WIPF2: variants seen among roughly 807,000 people sequenced by gnomAD.
WIPF2 encodes the protein WAS/WASL-interacting protein family member 2.
A neutral mutation model predicts 38.8 loss-of-function variants in WIPF2; 23 were observed. The ratio of observed to expected loss-of-function variants is 0.59; its 90% CI spans 0.43 to 0.84. The LOEUF (loss-of-function observed/expected upper bound fraction) is 0.84, where lower values mean the gene tolerates loss of function less well. Ranked by LOEUF, WIPF2 falls within the 40% of genes least tolerant of loss-of-function variation. WIPF2 has a pLI of 0.00. For missense variants in WIPF2, 574 were observed against 580.5 expected, an observed-to-expected ratio of 0.99 and a Z score of 0.11; for synonymous variants, 210 against 223.2, an observed-to-expected ratio of 0.94 and a Z score of 0.53.
At chr17:40,230,267 G>A (rs1183355534) in intron 1 of WIPF2, among the ~76,000 whole-genome samples, 1 of 152,154 alleles carries the variant, frequency 6.6e-6, no homozygotes, top group African/African-American at 2.4e-5. Flanking sequence ...TGAGCCCCAG[G>A]AGAGGGAGGT....
At chr17:40,259,848 G>A (rs1189907454) in intron 2 of WIPF2, among the ~76,000 whole-genome samples, 1 of 152,170 alleles carries the variant, frequency 6.6e-6, no homozygotes, top group Non-Finnish European at 1.5e-5. Context: ...GGCAAATATT[G>A]TGCTTACCAC....
chr17:40,228,868 G>A (rs899901953), intron 1 of WIPF2, among the ~76,000 whole-genome samples: 5 of 151,528 alleles, frequency 3.3e-5, no homozygotes, highest in East Asian at 1.9e-4. Flanking sequence ...CTCCTATCTC[G>A]AAGTGCCATA....
intron 1 of WIPF2, among the ~76,000 whole-genome samples, chr17:40,226,932 G>C (rs1179480970): frequency 1.3e-5 from 2 of 151,804 alleles, no homozygotes; most frequent in African/African-American, 4.8e-5. Flanking sequence ...TAGTAGAGGT[G>C]GGGTTTCACC....
At chr17:40,229,007 G>T (rs1429602231) in intron 1 of WIPF2, among the ~76,000 whole-genome samples, 1 of 151,734 alleles carries the variant, frequency 6.6e-6, no homozygotes, top group African/African-American at 2.4e-5. Flanking sequence ...GGGCTCAAGT[G>T]ATTCTCTTGC....
chr17:40,231,616 G>C lies in WIPF2; in HGVS notation c.-70+12124G>C, dbSNP rs193196055. ...TTTTTTGTATTTTTAGTAGAGACAGGGTTTCACCATCTTGGCCAGGCTGGT... is the reference window on the plus strand; with the variant it reads ...TTTTTTGTATTTTTAGTAGAGACAGCGTTTCACCATCTTGGCCAGGCTGGT... On this transcript the variant is annotated intron_variant, in intron 1 of 7. Transcript: ENST00000323571. Among the ~76,000 whole-genome samples the C allele has an allele frequency of 6.1e-3, 933 of 151,960 alleles. 12 individuals carry two copies. The highest frequency in any genetic ancestry group is 0.021 in the African/African-American group (883 of 41,476).
At chr17:40,220,573 G>GTATATATATA (rs762889347) in intron 1 of WIPF2, 8 of 77,108 alleles carry the variant, frequency 1.0e-4, no homozygotes, top group Non-Finnish European at 1.5e-4. Context: ...GTGTGTGTGT[G>GTATATATATA]TATATATATA....
Position 40,279,343 on chromosome 17 carries a change from G to C in WIPF2, c.*1118G>C, listed in dbSNP as rs1183890558. Reference sequence around the variant, plus strand: ...CTGTACTGAAGTTCACAGCCCACCTGACTGAGCAGACTCTTCCTGTTCCTT... The same window carrying C: ...CTGTACTGAAGTTCACAGCCCACCTCACTGAGCAGACTCTTCCTGTTCCTT... On this transcript the variant is annotated 3_prime_UTR_variant, in exon 8 of 8. Coordinates refer to ENST00000323571, the MANE Select transcript of WIPF2 (RefSeq NM_133264.5). The C allele has an allele frequency of 1.3e-5, 2 of 152,800 alleles. No homozygotes were observed. The highest frequency in any genetic ancestry group is 2.9e-5 in the Non-Finnish European group (2 of 68,184). 9.5% of individuals were successfully genotyped at this position (152,800 alleles called of 1,614,324 possible).
chr17:40,228,010 GTTTTTTT>G (rs1175714533), intron 1 of WIPF2, among the ~76,000 whole-genome samples: 2 of 79,216 alleles, frequency 2.5e-5, no homozygotes, highest in African/African-American at 1.1e-4. Flanking sequence ...ACCTCTTTTT[GTTTTTTT>G]TTTTTTTTTT....
chr17:40,238,275 T>C (rs998504387), intron 1 of WIPF2, among the ~76,000 whole-genome samples: 4 of 152,278 alleles, frequency 2.6e-5, no homozygotes, highest in African/African-American at 9.6e-5. Context: ...TGTTTGATAA[T>C]TCTTAGCTGC....
At chr17:40,267,043 G>T (rs2032110444) in intron 5 of WIPF2, among the ~76,000 whole-genome samples, 1 of 152,064 alleles carries the variant, frequency 6.6e-6, no homozygotes, top group Non-Finnish European at 1.5e-5. Flanking sequence ...GAGAGTTGAG[G>T]AGAGAGAAGA....
At chr17:40,258,695 A>G (rs1303365519) in intron 2 of WIPF2, among the ~76,000 whole-genome samples, 1 of 152,064 alleles carries the variant, frequency 6.6e-6, no homozygotes, top group Non-Finnish European at 1.5e-5. Context: ...GTCTTAAGCC[A>G]TGAGTAGAGT....
chr17:40,221,367 A>G (rs940598859), intron 1 of WIPF2, among the ~76,000 whole-genome samples: 17 of 152,064 alleles, frequency 1.1e-4, no homozygotes, highest in East Asian at 1.9e-4. Flanking sequence ...CCCTGCCTCT[A>G]AAAGTTTGTC....
chr17:40,278,346 C>G lies in WIPF2; in HGVS notation c.*121C>G. The stretch of plus-strand genomic sequence containing the variant: ...AACATGTTTCTCCAATGCAATCAAG[C>G]CCTAGACTCCAAATGTCCTCCCAGC... On this transcript the variant is annotated 3_prime_UTR_variant, in exon 8 of 8. Coordinates refer to ENST00000323571, the MANE Select transcript of WIPF2 (RefSeq NM_133264.5). The G allele has an allele frequency of 5.1e-6, 6 of 1,172,512 alleles. 1 individual carries two copies. Among genetic ancestry groups the G allele is most frequent in the Non-Finnish European group, 6.1e-6 (5 of 816,268 alleles). 72.6% of individuals were successfully genotyped at this position (1,172,512 alleles called of 1,614,324 possible).
At chr17:40,221,177 G>A (rs1023321717) in intron 1 of WIPF2, among the ~76,000 whole-genome samples, 1 of 151,984 alleles carries the variant, frequency 6.6e-6, no homozygotes, top group African/African-American at 2.4e-5. Context: ...TTTGCCTTAC[G>A]GTTTTGGTTT....
At chr17:40,251,104 CG>C (rs2031549423) in intron 1 of WIPF2, among the ~76,000 whole-genome samples, 1 of 151,700 alleles carries the variant, frequency 6.6e-6, no homozygotes, top group African/African-American at 2.4e-5. Context: ...TTAGTAGAGA[CG>C]GGGTTTCACT....
chr17:40,225,012 C>T (rs911015840), intron 1 of WIPF2, among the ~76,000 whole-genome samples: 3 of 151,894 alleles, frequency 2.0e-5, no homozygotes, highest in African/African-American at 4.8e-5. Flanking sequence ...GGATATGCCC[C>T]GGATTAGAGT....
chr17:40,270,631 A>G (rs1270916682), intron 5 of WIPF2, among the ~76,000 whole-genome samples: 5 of 152,152 alleles, frequency 3.3e-5, no homozygotes, highest in Non-Finnish European at 5.9e-5. Context: ...CAGGGCCTTG[A>G]GGAATCTGGG....
rs2032548154 is a variant in WIPF2 at position 40,281,674 on chromosome 17, A to C, written c.*3449A>C. ...TACCTCCAGGGAGAGGTGAGAAAAA[A>C]ATTGTAAATAGACTTGCTAAAGAGC... On this transcript the variant is annotated 3_prime_UTR_variant, in exon 8 of 8. Transcript: ENST00000323571. 1 of 152,572 alleles carries C rather than the reference A, an allele frequency of 6.6e-6. No homozygotes were observed. Among genetic ancestry groups the C allele is most frequent in the Admixed American group, 6.6e-5 (1 of 15,260 alleles). The allele number at this position is 152,572 out of a possible 1,614,324, so 9.5% of individuals were successfully genotyped here.
chr17:40,247,234 T>G (rs74440012), intron 1 of WIPF2, among the ~76,000 whole-genome samples: 3 of 143,872 alleles, frequency 2.1e-5, no homozygotes, highest in Non-Finnish European at 4.6e-5. Context: ...TTTTTTTTTT[T>G]TGAGACAGGA....
Sources: allele counts gnomAD v4.1 joint callset (sites outside exome capture counted in the v4.1 genomes callset), GRCh38; gene constraint gnomAD v4.1.1; transcripts MANE v1.5; gene names NCBI Gene and HGNC (gene_info 2026-07-23, HGNC 2026-07-21).